The following CAMKMT variants were observed in gnomAD, a reference collection of about 807,000 sequenced individuals.
CAMKMT encodes CaM KMT.
A neutral mutation model predicts 48.0 loss-of-function variants in CAMKMT; 53 were observed. That is an observed-to-expected ratio of 1.10 (90% CI 0.89 to 1.39). The LOEUF is 1.39. CAMKMT is among the 40% of genes most tolerant of loss of function. The pLI, the probability that CAMKMT is intolerant of heterozygous loss-of-function variation, is 0.00. For synonymous variants in CAMKMT, 165 were observed against 152.3 expected (o/e 1.08, Z -0.61); for missense variants, 428 against 402.7 (o/e 1.06, Z -0.54).
intron 3 of CAMKMT, among the ~76,000 whole-genome samples, chr2:44,589,896 G>GAAAAAAAAAAAAAAAAAAA (rs888613058): frequency 5.0e-5 from 3 of 60,376 alleles, no homozygotes; most frequent in Middle Eastern, 0.013. Context: ...AAAAAAAAAA[G>GAAAAAAAAAAAAAAAAAAA]AAAAAAAAAA....
In CAMKMT at chr2:44,452,913, G is replaced by A. The variant is rs565830073; in HGVS notation, c.376+62608G>A. Among the ~76,000 whole-genome samples, 12 of 152,050 alleles carry A rather than the reference G, an allele frequency of 7.9e-5. No individual in the cohort carries two copies. The South Asian group carries it at 1.0e-3, about 13-fold the overall frequency. ...ATATCATGCTGGGGAAGAATGGTTC[G>A]GCTGCAGGTTTTATGTGTCTTTTTA... is the stretch of plus-strand genomic sequence containing the variant. On this transcript the variant is annotated intron_variant, in intron 3 of 10. Coordinates refer to ENST00000378494, the MANE Select transcript of CAMKMT (RefSeq NM_024766.5).
intron 3 of CAMKMT, among the ~76,000 whole-genome samples, chr2:44,496,957 T>G (rs950004581): frequency 6.6e-6 from 1 of 152,166 alleles, no homozygotes; most frequent in Non-Finnish European, 1.5e-5. Context: ...AAGTTAAATG[T>G]CAACCTTTGG....
chr2:44,740,841 G>T (rs1679638376), intron 7 of CAMKMT, among the ~76,000 whole-genome samples: 1 of 152,312 alleles, frequency 6.6e-6, no homozygotes, highest in South Asian at 2.1e-4. Flanking sequence ...AAATATTAGG[G>T]AAGTGGGATA....
intron 3 of CAMKMT, among the ~76,000 whole-genome samples, chr2:44,459,291 A>C (rs866243696): frequency 1.7e-4 from 26 of 152,270 alleles, no homozygotes; most frequent in African/African-American, 5.8e-4. Flanking sequence ...AAGTCATTTT[A>C]TGTATACCTC....
rs369652186 is a variant in CAMKMT at position 44,378,754 on chromosome 2, AG to A, written c.311+5867del. On this transcript the variant is annotated intron_variant, in intron 2 of 10. Coordinates refer to ENST00000378494, the MANE Select transcript of CAMKMT (RefSeq NM_024766.5). ...TGATCCACCCACCTTGGCCTCCCAAAGTGCTGGTATTACAGGCGTGAGCCAC... is the reference window on the plus strand; with the variant it reads ...TGATCCACCCACCTTGGCCTCCCAAATGCTGGTATTACAGGCGTGAGCCAC... 3.4e-3 allele frequency among the ~76,000 whole-genome samples: 519 copies of A among 152,264 alleles called. 1 individual carries two copies. Among genetic ancestry groups the A allele is most frequent in the African/African-American group, 0.012 (482 of 41,544 alleles).
chr2:44,445,657 T>G (rs1347181025), intron 3 of CAMKMT, among the ~76,000 whole-genome samples: 12 of 9,024 alleles, frequency 1.3e-3, no homozygotes, highest in South Asian at 6.5e-3. Flanking sequence ...TTTTTTTTTT[T>G]TTTTTTTTTT....
rs1244930052 is a variant in CAMKMT at position 44,754,116 on chromosome 2, A to G, written c.760A>G (p.Arg254Gly). Residue 254 changes from arginine to glycine, a missense_variant and splice_region_variant, in exon 9 of 11, where the codon AGG becomes GGG. Arg to Gly is a moderately radical substitution (Grantham distance 125, BLOSUM62 -2). Transcript: ENST00000378494. ...TGCAATAAAGAGATTACTCCAGCCC[A>G]GGGTAAGTATGTTTCTATTTTCTCC... ...VDAIKRLLQP[R>G]GKAMVFAPRR... The G allele has an allele frequency of 5.6e-6, 9 of 1,612,750 alleles. No individual in the cohort carries two copies. The highest frequency in any genetic ancestry group is 7.6e-6 in the Non-Finnish European group (9 of 1,178,744).
intron 3 of CAMKMT, among the ~76,000 whole-genome samples, chr2:44,527,430 A>ATT (rs5830792): frequency 9.3e-6 from 1 of 107,848 alleles, no homozygotes; most frequent in Non-Finnish European, 1.8e-5. Flanking sequence ...ATATATATAT[A>ATT]TTTTTTTTTT....
chr2:44,539,960 C>T (rs1170077051), intron 3 of CAMKMT, among the ~76,000 whole-genome samples: 1 of 152,044 alleles, frequency 6.6e-6, no homozygotes, highest in Non-Finnish European at 1.5e-5. Flanking sequence ...AACTAATAAG[C>T]AATCATGAGG....
intron 3 of CAMKMT, among the ~76,000 whole-genome samples, chr2:44,436,336 C>T (rs1666250830): frequency 6.6e-6 from 1 of 152,076 alleles, no homozygotes; most frequent in African/African-American, 2.4e-5. Context: ...CCTCAGCCTC[C>T]CAAAGTGCTG....
intron 3 of CAMKMT, among the ~76,000 whole-genome samples, chr2:44,455,000 G>T (rs1005846665): frequency 2.0e-5 from 3 of 152,128 alleles, no homozygotes; most frequent in African/African-American, 7.2e-5. Flanking sequence ...CCCATGGATA[G>T]AGGACGTTGT....
chr2:44,522,341 T>C (rs759459009), intron 3 of CAMKMT, among the ~76,000 whole-genome samples: 1 of 152,168 alleles, frequency 6.6e-6, no homozygotes, highest in African/African-American at 2.4e-5. Context: ...TCTCTTTCTG[T>C]CTAAACTGAT....
At chr2:44,389,995 T>A (rs1681168102) in intron 2 of CAMKMT, among the ~76,000 whole-genome samples, 1 of 152,196 alleles carries the variant, frequency 6.6e-6, no homozygotes, top group Admixed American at 6.5e-5. Context: ...CAAGTAAATA[T>A]TATTTGTTAG....
At chr2:44,393,707 G>A (rs1443126955) in intron 3 of CAMKMT, among the ~76,000 whole-genome samples, 1 of 152,150 alleles carries the variant, frequency 6.6e-6, no homozygotes, top group Non-Finnish European at 1.5e-5. Context: ...TGAGGTACTG[G>A]CTGCTTCTGT....
chr2:44,726,780 G>T (rs137875788), intron 7 of CAMKMT, among the ~76,000 whole-genome samples: 1 of 152,134 alleles, frequency 6.6e-6, no homozygotes, highest in Non-Finnish European at 1.5e-5. Flanking sequence ...AATCCATTTT[G>T]ATTTAATTTT....
intron 9 of CAMKMT, among the ~76,000 whole-genome samples, chr2:44,764,343 A>G (rs1315667829): frequency 6.6e-6 from 1 of 152,128 alleles, no homozygotes; most frequent in Non-Finnish European, 1.5e-5. Context: ...GCATTTTTAG[A>G]GCACTGTTAG....
At chr2:44,729,366 A>G (rs1020080275) in intron 7 of CAMKMT, among the ~76,000 whole-genome samples, 1 of 152,188 alleles carries the variant, frequency 6.6e-6, no homozygotes, top group East Asian at 1.9e-4. Flanking sequence ...AATCTTAGAA[A>G]ATGTCTGTGT....
intron 3 of CAMKMT, among the ~76,000 whole-genome samples, chr2:44,411,348 C>G (rs1005494006): frequency 6.6e-6 from 1 of 152,122 alleles, no homozygotes; most frequent in African/African-American, 2.4e-5. Flanking sequence ...AAGACATTGT[C>G]TTATAGAAAA....
At chr2:44,594,387 C>T (rs1670518514) in intron 3 of CAMKMT, among the ~76,000 whole-genome samples, 1 of 152,310 alleles carries the variant, frequency 6.6e-6, no homozygotes, top group South Asian at 2.1e-4. Context: ...AAGCTGGAAG[C>T]ATCACGCTAC....
Sources: gnomAD v4.1 joint callset for allele counts (sites outside exome capture counted in the v4.1 genomes callset) on GRCh38, gnomAD v4.1.1 for gene constraint, MANE v1.5 for transcripts, NCBI Gene and HGNC (gene_info 2026-07-23, HGNC 2026-07-21) for gene names.